NRXN1: variants seen among roughly 807,000 people sequenced by gnomAD.
NRXN1 encodes the protein neurexin-1.
Under a neutral mutation model 150.9 loss-of-function variants are expected in NRXN1, and 39 were observed. The ratio of observed to expected loss-of-function variants is 0.26; its 90% CI spans 0.20 to 0.34. NRXN1 has a LOEUF of 0.34. Among genes scored for constraint, NRXN1 ranks in the 10% least tolerant of loss-of-function variants. NRXN1 has a pLI of 1.00. For missense variants in NRXN1, 1,815 were observed against 1,949.9 expected (o/e 0.93, Z 1.30); for synonymous variants, 924 against 757.0 (o/e 1.22, Z -3.62).
chr2:50,056,113 A>C (rs775443480), intron 19 of NRXN1, among the ~76,000 whole-genome samples: 1 of 152,204 alleles, frequency 6.6e-6, no homozygotes, highest in East Asian at 1.9e-4. Flanking sequence ...ATTTAAGCCA[A>C]GACATTTTGG....
intron 19 of NRXN1, among the ~76,000 whole-genome samples, chr2:50,063,642 A>T (rs1002595999): frequency 3.3e-5 from 5 of 151,784 alleles, no homozygotes; most frequent in Non-Finnish European, 7.4e-5. Flanking sequence ...ACATTTCTCA[A>T]GGAAGCATTC....
intron 5 of NRXN1, among the ~76,000 whole-genome samples, chr2:50,803,384 A>G (rs185377303): frequency 6.6e-6 from 1 of 152,306 alleles, no homozygotes; most frequent in East Asian, 1.9e-4. Flanking sequence ...ATACATGATC[A>G]ACTGAGTCAT....
intron 10 of NRXN1, among the ~76,000 whole-genome samples, chr2:50,537,933 T>C (rs2093302670): frequency 6.6e-6 from 1 of 152,190 alleles, no homozygotes; most frequent in Non-Finnish European, 1.5e-5. Context: ...TACTGTCTAA[T>C]GTTCTGAAGT....
chr2:50,134,647 C>G lies in NRXN1; in HGVS notation c.3547-43153G>C, dbSNP rs1574094913. Among the ~76,000 whole-genome samples the G allele has an allele frequency of 2.0e-5, 3 of 152,166 alleles. No homozygotes were observed. In the East Asian group the frequency reaches 5.8e-4, roughly 29 times the overall value. On this transcript the variant is annotated intron_variant, in intron 18 of 22. Coordinates refer to ENST00000401669, the MANE Select transcript of NRXN1 (RefSeq NM_001330078.2). ...CCAAATGTGAGATACTGACACCAAG[C>G]ATAAGAAATCATCGCTTTTTCTCTC...
intron 2 of NRXN1, among the ~76,000 whole-genome samples, chr2:50,948,977 C>T (rs1441563933): frequency 6.6e-6 from 1 of 151,934 alleles, no homozygotes; most frequent in Non-Finnish European, 1.5e-5. Context: ...AATAAAAAGG[C>T]TTACTACAAA....
intron 18 of NRXN1, among the ~76,000 whole-genome samples, chr2:50,195,958 A>T (rs556954476): frequency 6.6e-6 from 1 of 151,848 alleles, no homozygotes; most frequent in Admixed American, 6.6e-5. Context: ...GGTTTGTTTT[A>T]TTTTTTATTT....
chr2:50,510,473 G>A (rs560857296), intron 12 of NRXN1, among the ~76,000 whole-genome samples: 1 of 95,124 alleles, frequency 1.1e-5, no homozygotes, highest in South Asian at 4.1e-4. Context: ...ATGACAGAGA[G>A]AGACTCCATC....
At chr2:50,241,399 T>C (rs1267476731) in intron 17 of NRXN1, among the ~76,000 whole-genome samples, 1 of 151,806 alleles carries the variant, frequency 6.6e-6, no homozygotes, top group East Asian at 1.9e-4. Flanking sequence ...CATAGAGGAA[T>C]GTGTCACCTT....
At chr2:50,095,490 A>G (rs1344295291) in intron 18 of NRXN1, among the ~76,000 whole-genome samples, 1 of 152,170 alleles carries the variant, frequency 6.6e-6, no homozygotes, top group Non-Finnish European at 1.5e-5. Context: ...TTATGGAAGT[A>G]GGCCATAAGA....
intron 5 of NRXN1, among the ~76,000 whole-genome samples, chr2:50,769,878 G>T (rs1249269044): frequency 1.3e-5 from 2 of 152,070 alleles, no homozygotes; most frequent in African/African-American, 4.8e-5. Flanking sequence ...ATCAGGCGTA[G>T]AATTCAGAAA....
chr2:50,992,877 T>C (rs543828457), intron 2 of NRXN1, among the ~76,000 whole-genome samples: 3 of 152,068 alleles, frequency 2.0e-5, no homozygotes, highest in Middle Eastern at 3.4e-3. Context: ...TGGTGTTCAA[T>C]GCAACTACAT....
chr2:50,020,563 A>G (rs923420138), intron 21 of NRXN1, among the ~76,000 whole-genome samples: 19 of 152,208 alleles, frequency 1.2e-4, no homozygotes, highest in African/African-American at 4.3e-4. Flanking sequence ...CTACTGGTAG[A>G]AATCCATGTG....
At chr2:50,810,643 A>G (rs1668085448) in intron 5 of NRXN1, among the ~76,000 whole-genome samples, 1 of 152,162 alleles carries the variant, frequency 6.6e-6, no homozygotes, top group Admixed American at 6.6e-5. Context: ...TTGACACAAT[A>G]CAGAAATTAA....
intron 8 of NRXN1, among the ~76,000 whole-genome samples, chr2:50,592,299 G>C (rs1190638139): frequency 6.6e-6 from 1 of 152,232 alleles, no homozygotes; most frequent in African/African-American, 2.4e-5. Context: ...GTTGGCAAGG[G>C]CCAGGGCAAA....
intron 5 of NRXN1, among the ~76,000 whole-genome samples, chr2:50,907,675 AG>A (rs1458035222): frequency 6.6e-6 from 1 of 152,020 alleles, no homozygotes; most frequent in Non-Finnish European, 1.5e-5. Flanking sequence ...GAGAGATGCA[AG>A]GTTACTGGCT....
At chr2:50,677,264 T>C (rs1052978834) in intron 5 of NRXN1, among the ~76,000 whole-genome samples, 2 of 152,192 alleles carry the variant, frequency 1.3e-5, no homozygotes, top group Admixed American at 6.5e-5. Flanking sequence ...TCTGGTCAGA[T>C]TTTAATGAGT....
intron 17 of NRXN1, among the ~76,000 whole-genome samples, chr2:50,379,115 A>T (rs1399621490): frequency 6.6e-6 from 1 of 151,958 alleles, no homozygotes; most frequent in African/African-American, 2.4e-5. Flanking sequence ...GAGGGATAGA[A>T]AGAAAAAAAA....
At chr2:50,712,443 T>A (rs535206454) in intron 5 of NRXN1, among the ~76,000 whole-genome samples, 4 of 152,336 alleles carry the variant, frequency 2.6e-5, no homozygotes, top group Non-Finnish European at 5.9e-5. Context: ...TAATAGCAGC[T>A]CAGACTCTTG....
At position 50,619,842 on chromosome 2, in the gene NRXN1, T is replaced by G. The variant is rs1054623058; in HGVS notation, c.1320+180A>C. The stretch of plus-strand genomic sequence containing the variant: ...AATAAAGAAGAGGAACCTAATTCCT[T>G]CATAATGATCTATGAGCTGTTTCCC... On this transcript the variant is annotated intron_variant, in intron 8 of 22. Transcript: ENST00000401669. 10 of 474,488 alleles carry G rather than the reference T, an allele frequency of 2.1e-5. No individual in the cohort carries two copies. The Admixed American group carries it at 3.6e-4, about 17-fold the overall frequency. 29.4% of individuals were successfully genotyped at this position (474,488 alleles called of 1,614,324 possible).
Sources: gnomAD v4.1 joint callset for allele counts (sites outside exome capture counted in the v4.1 genomes callset) on GRCh38, gnomAD v4.1.1 for gene constraint, MANE v1.5 for transcripts, NCBI Gene and HGNC (gene_info 2026-07-23, HGNC 2026-07-21) for gene names.